The following FRMD4B variants were observed in gnomAD, a reference collection of about 807,000 sequenced individuals.
FRMD4B encodes the protein FERM domain containing 4B.
In FRMD4B, 74 loss-of-function variants were observed where a neutral mutation model predicts 141.5. The observed-to-expected ratio is 0.52, with a 90% CI of 0.43 to 0.63. FRMD4B has a LOEUF of 0.63. FRMD4B is among the 30% of genes least tolerant of loss of function. FRMD4B has a pLI of 0.00. For missense variants in FRMD4B, 1,366 were observed against 1,253.4 expected (o/e 1.09, Z -1.36); for synonymous variants, 506 against 467.9 (o/e 1.08, Z -1.05).
At chr3:69,535,628 T>C (rs1701072698) in intron 1 of FRMD4B, 3 of 188,872 alleles carry the variant, frequency 1.6e-5, no homozygotes, top group Non-Finnish European at 1.1e-5. Context: ...ATCAGGGCAG[T>C]GGCTCGGTCT....
chr3:69,357,392 C>T (rs566902356), intron 1 of FRMD4B, among the ~76,000 whole-genome samples: 4 of 152,292 alleles, frequency 2.6e-5, no homozygotes, highest in South Asian at 4.1e-4. Flanking sequence ...TTAGGAGTCC[C>T]GTTGAAAATG....
chr3:69,528,594 G>A (rs1418102622), intron 1 of FRMD4B, among the ~76,000 whole-genome samples: 1 of 152,116 alleles, frequency 6.6e-6, no homozygotes, highest in East Asian at 1.9e-4. Context: ...TCAAATCCTT[G>A]GGTTCAAGAG....
chr3:69,282,747 CCTGCCTCAGCCT>C (rs1213108384), intron 5 of FRMD4B, among the ~76,000 whole-genome samples: 1 of 152,098 alleles, frequency 6.6e-6, no homozygotes, highest in African/African-American at 2.4e-5. Flanking sequence ...AAGCGATTCT[CCTGCCTCAGCCT>C]CCGGAGTAGG....
intron 1 of FRMD4B, among the ~76,000 whole-genome samples, chr3:69,517,519 C>A (rs76534785): frequency 0.018 from 2,679 of 152,192 alleles, 75 homozygotes; most frequent in East Asian, 0.12. Flanking sequence ...ATTGCCTGAC[C>A]ATTAAGTCTC....
At chr3:69,427,280 T>C (rs1397453198) in intron 2 of FRMD4B, among the ~76,000 whole-genome samples, 2 of 148,178 alleles carry the variant, frequency 1.3e-5, no homozygotes, top group Non-Finnish European at 3.0e-5. Flanking sequence ...TATATTTATA[T>C]GTTATATAAT....
At chr3:69,508,122 A>C (rs1418867092) in intron 1 of FRMD4B, among the ~76,000 whole-genome samples, 2 of 152,132 alleles carry the variant, frequency 1.3e-5, no homozygotes, top group East Asian at 3.8e-4. Flanking sequence ...CATTTCATTG[A>C]CTCTAAATAT....
chr3:69,356,303 C>G (rs1020714750), intron 1 of FRMD4B, among the ~76,000 whole-genome samples: 11 of 152,112 alleles, frequency 7.2e-5, no homozygotes, highest in Admixed American at 2.0e-4. Flanking sequence ...GAAAGGCAGA[C>G]CCACCCGTGA....
At chr3:69,293,880 CAAAAAAAAAAA>C (rs10699871) in intron 4 of FRMD4B, among the ~76,000 whole-genome samples, 7 of 74,450 alleles carry the variant, frequency 9.4e-5, no homozygotes, top group African/African-American at 2.4e-4. Flanking sequence ...GATTCTGCCT[CAAAAAAAAAAA>C]AAAAAAAAAA....
chr3:69,534,444 C>T (rs1344563484), intron 1 of FRMD4B, among the ~76,000 whole-genome samples: 1 of 152,122 alleles, frequency 6.6e-6, no homozygotes, highest in African/African-American at 2.4e-5. Context: ...ATACACCTAC[C>T]CACTTTAGTA....
At chr3:69,497,406 C>A (rs1706420411) in intron 1 of FRMD4B, among the ~76,000 whole-genome samples, 1 of 151,982 alleles carries the variant, frequency 6.6e-6, no homozygotes, top group Non-Finnish European at 1.5e-5. Flanking sequence ...TAATTTATAT[C>A]CTGAAAGTTA....
At chr3:69,285,599 T>C (rs1443259089) in intron 5 of FRMD4B, among the ~76,000 whole-genome samples, 1 of 152,054 alleles carries the variant, frequency 6.6e-6, no homozygotes, top group Non-Finnish European at 1.5e-5. Context: ...TCCCAGCACT[T>C]TGGGAGGCTC....
At chr3:69,468,165 T>C (rs922208889) in intron 1 of FRMD4B, among the ~76,000 whole-genome samples, 6 of 152,340 alleles carry the variant, frequency 3.9e-5, no homozygotes, top group African/African-American at 1.4e-4. Context: ...TTAAAGTTTT[T>C]TTTTAAATTA....
Position 69,304,665 on chromosome 3 carries a change from G to C in FRMD4B, c.324-2230C>G, listed in dbSNP as rs115548993. Reference sequence around the variant, plus strand: ...TGACCACTGAGGGATCAAAAGGATTGATGACACTGGGGCTCAGAACTGTTT... The same window carrying C: ...TGACCACTGAGGGATCAAAAGGATTCATGACACTGGGGCTCAGAACTGTTT... On this transcript the variant is annotated intron_variant, in intron 3 of 22. Transcript: ENST00000398540. Among the ~76,000 whole-genome samples the C allele has an allele frequency of 1.3e-3, 198 of 152,212 alleles. 2 individuals are homozygous for C. The highest frequency in any genetic ancestry group is 4.6e-3 in the African/African-American group (191 of 41,526).
At chr3:69,347,241 T>A (rs1362685844) in intron 1 of FRMD4B, among the ~76,000 whole-genome samples, 1 of 152,168 alleles carries the variant, frequency 6.6e-6, no homozygotes, top group Non-Finnish European at 1.5e-5. Context: ...AAGAAGGCCA[T>A]TACATAATGG....
At chr3:69,279,586 A>C (rs2093634019) in intron 5 of FRMD4B, among the ~76,000 whole-genome samples, 1 of 152,124 alleles carries the variant, frequency 6.6e-6, no homozygotes, top group South Asian at 2.1e-4. Flanking sequence ...CAGCCTCCTG[A>C]GTAGCTAGAA....
At chr3:69,180,484 A>G (rs978764115) in intron 21 of FRMD4B, among the ~76,000 whole-genome samples, 1 of 152,160 alleles carries the variant, frequency 6.6e-6, no homozygotes, top group African/African-American at 2.4e-5. Context: ...TCAAGCCTCA[A>G]TGACGTGAAC....
Position 69,176,570 on chromosome 3 carries a change from T to C in FRMD4B, c.2938A>G (p.Thr980Ala), listed in dbSNP as rs780848580. Residue 980 changes from threonine to alanine, a missense_variant, in exon 22 of 23, where the codon ACC becomes GCC. Transcript: ENST00000398540. ...DYETPAHSSY[T>A]SCYGNVYNPL... is the part of the protein sequence containing the mutation. ...TTATAGACATTGCCATAGCAGCTGG[T>C]GTAAGAAGAATGTGCTGGAGTCTCG... The C allele has an allele frequency of 1.9e-6, 3 of 1,611,634 alleles. No individual in the cohort carries two copies. Among genetic ancestry groups the C allele is most frequent in the Non-Finnish European group, 2.5e-6 (3 of 1,177,760 alleles).
At chr3:69,479,332 C>A (rs897754696) in intron 1 of FRMD4B, among the ~76,000 whole-genome samples, 5 of 151,402 alleles carry the variant, frequency 3.3e-5, no homozygotes, top group African/African-American at 1.2e-4. Context: ...CATGATTTTG[C>A]AGTGGCTGGT....
chr3:69,196,176 T>C, intron 14 of FRMD4B, 79 bp downstream of exon 14: 4 of 1,065,212 alleles, frequency 3.8e-6, no homozygotes, highest in Middle Eastern at 2.1e-4. Context: ...GATTAAAAGA[T>C]GAATTTCGAA....
Sources: allele counts gnomAD v4.1 joint callset (sites outside exome capture counted in the v4.1 genomes callset), GRCh38; gene constraint gnomAD v4.1.1; transcripts MANE v1.5; gene names NCBI Gene and HGNC (gene_info 2026-07-23, HGNC 2026-07-21).